Variants in PARVG observed in about 807,000 individuals in gnomAD.
PARVG encodes the protein gamma-parvin.
In PARVG, 36 loss-of-function variants were observed where a neutral mutation model predicts 44.4. That is an observed-to-expected ratio of 0.81 (90% confidence interval 0.62 to 1.07). The LOEUF (loss-of-function observed/expected upper bound fraction) is 1.07. PARVG is among the 50% of genes least tolerant of loss of function. The probability of loss-of-function intolerance (pLI) is 0.00; values close to 1 mark genes in which losing one functional copy is unlikely to be tolerated. For synonymous variants in PARVG, 170 were observed against 174.1 expected (o/e 0.98, Z 0.19); for missense variants, 407 against 407.4 (o/e 1.00, Z 0.01).
rs1330721521 is a variant in PARVG at position 44,181,079 on chromosome 22, C to G, written c.-295C>G. 2.7e-6 allele frequency: 2 copies of G among 743,168 alleles called. No homozygotes were observed. The highest frequency in any genetic ancestry group is 3.3e-6 in the Non-Finnish European group (2 of 608,538). The allele number at this position is 743,168 out of a possible 1,614,324, so 46.0% of individuals were successfully genotyped here. ...CCACTGCAAACTCCTATGCAGCCGT[C>G]AAGGCCCCATTCTCCTCTGGAAAGC... On this transcript the variant is annotated 5_prime_UTR_variant, in exon 1 of 14. It introduces an in-frame stop codon into an upstream open reading frame of the 5' UTR. Coordinates refer to ENST00000444313, the MANE Select transcript of PARVG (RefSeq NM_022141.7).
chr22:44,198,422 T>G (rs938881580), intron 11 of PARVG, among the ~76,000 whole-genome samples, 199 bp from the exon 12 acceptor site: 5 of 152,244 alleles, frequency 3.3e-5, no homozygotes. Context: ...TCACTGAGCA[T>G]GTACTATATA....
chr22:44,197,312 A>G (rs1019076021), intron 11 of PARVG, among the ~76,000 whole-genome samples: 1 of 152,186 alleles, frequency 6.6e-6, no homozygotes, highest in Admixed American at 6.5e-5. Flanking sequence ...CCAGGGCAAA[A>G]TGCTTTCCAT....
intron 8 of PARVG, 35 bp from the exon 9 acceptor site, chr22:44,193,766 T>TA (rs2054581445): frequency 6.2e-7 from 1 of 1,608,422 alleles, no homozygotes; most frequent in Middle Eastern, 1.7e-4. Flanking sequence ...GTTTTTTTTT[T>TA]AACCATTTGT....
Position 44,206,311 on chromosome 22 carries a change from C to T in PARVG, c.887-6C>T, listed in dbSNP as rs1569190713. ...ACTGGCTGCCCTGCCCTCCTTTGGCCCGCAGATATCGTGAACAAGGATGCC... is the reference window on the plus strand; with the variant it reads ...ACTGGCTGCCCTGCCCTCCTTTGGCTCGCAGATATCGTGAACAAGGATGCC... On this transcript the variant is annotated splice_polypyrimidine_tract_variant and splice_region_variant and intron_variant, in intron 13 of 13. Coordinates refer to ENST00000444313, the MANE Select transcript of PARVG (RefSeq NM_022141.7). The T allele has an allele frequency of 6.2e-7, 1 of 1,609,378 alleles. No homozygotes were observed. The highest frequency in any genetic ancestry group is 8.5e-7 in the Non-Finnish European group (1 of 1,176,126).
rs987148143 is a variant in PARVG, at chr22:44,185,982, G to T, written c.144+110G>T. 33 of 992,830 alleles carry T rather than the reference G, an allele frequency of 3.3e-5. No individual in the cohort carries two copies. In the East Asian group the frequency reaches 8.1e-4, roughly 24 times the overall value. 61.5% of individuals were successfully genotyped at this position (992,830 alleles called of 1,614,324 possible). Reference sequence around the variant, plus strand: ...TGTCCCCACTCCTTGGCCTCAGGCTGGGGGGTGGCGACCCCCGAAGACCCC... The same window carrying T: ...TGTCCCCACTCCTTGGCCTCAGGCTTGGGGGTGGCGACCCCCGAAGACCCC... On this transcript the variant is annotated intron_variant, in intron 4 of 13. Coordinates refer to ENST00000444313, the MANE Select transcript of PARVG (RefSeq NM_022141.7).
chr22:44,205,625 T>A, intron 12 of PARVG, 132 bp from the exon 13 acceptor site: 1 of 1,021,194 alleles, frequency 9.8e-7, no homozygotes, highest in Non-Finnish European at 1.5e-6. Flanking sequence ...TGGTCAGGGA[T>A]GCCCACCTTG....
rs2054723581 is a variant in PARVG, at chr22:44,202,493, A to G, written c.814-3264A>G. 2.0e-5 allele frequency among the ~76,000 whole-genome samples: 3 copies of G among 152,344 alleles called. 1 individual carries two copies. The Middle Eastern group carries it at 0.01, about 518-fold the overall frequency. On this transcript the variant is annotated intron_variant, in intron 12 of 13. Coordinates refer to ENST00000444313, the MANE Select transcript of PARVG (RefSeq NM_022141.7). ...GACGGGAACAAACGTGCAGACTTCC[A>G]TGTTGCTGTGTGCAGCCGCTTTGCT...
intron 1 of PARVG, 51 bp from the exon 2 acceptor site, chr22:44,181,691 T>G: frequency 1.0e-6 from 1 of 983,856 alleles, no homozygotes; most frequent in South Asian, 4.7e-5. Flanking sequence ...TTCTGGAGGT[T>G]TGTGGCAGCT....
In PARVG at chr22:44,203,278, C is replaced by T. The variant is rs538230185; in HGVS notation, c.814-2479C>T. 6.6e-5 allele frequency among the ~76,000 whole-genome samples: 10 copies of T among 152,196 alleles called. No homozygotes were observed. In the South Asian group the frequency reaches 1.0e-3, roughly 16 times the overall value. ...GTATTTTTTTAAATAAGTGAATGAA[C>T]GAAGTGTTTCCAAAACATTGGTCCC... On this transcript the variant is annotated intron_variant, in intron 12 of 13. Coordinates refer to ENST00000444313, the MANE Select transcript of PARVG (RefSeq NM_022141.7).
intron 12 of PARVG, among the ~76,000 whole-genome samples, chr22:44,198,937 TCCACCCAC>T (rs1257695303): frequency 0.02 from 609 of 30,440 alleles, 33 homozygotes; most frequent in Middle Eastern, 0.045. Context: ...CATCCATCCA[TCCACCCAC>T]CCATCCATCC....
Position 44,189,268 on chromosome 22 carries a change from A to G in PARVG, c.388+14A>G, listed in dbSNP as rs1480759735. 1 of 1,613,544 alleles carries G rather than the reference A, an allele frequency of 6.2e-7. No individual in the cohort carries two copies. The highest frequency in any genetic ancestry group is 8.5e-7 in the Non-Finnish European group (1 of 1,179,770). On this transcript the variant is annotated intron_variant, in intron 6 of 13. Coordinates refer to ENST00000444313, the MANE Select transcript of PARVG (RefSeq NM_022141.7). ...GGAGCGTGGAGAGTACGTGGGCCAC[A>G]ACCTGGCTACCCCTGGGGAGTGTGG...
chr22:44,204,597 C>G, intron 12 of PARVG, among the ~76,000 whole-genome samples: 1 of 152,246 alleles, frequency 6.6e-6, no homozygotes, highest in East Asian at 1.9e-4. Context: ...ATGAGTCTTG[C>G]CTGGCCTTGC....
chr22:44,188,986 A>AC (rs2147225656), intron 5 of PARVG, 128 bp from the exon 6 acceptor site: 3 of 1,296,952 alleles, frequency 2.3e-6, no homozygotes, highest in Non-Finnish European at 3.2e-6. Flanking sequence ...ACGGTCCAAC[A>AC]CCAAGAATGG....
At chr22:44,189,052 C>A in intron 5 of PARVG, 62 bp from the exon 6 acceptor site, 1 of 1,606,480 alleles carries the variant, frequency 6.2e-7, no homozygotes, top group South Asian at 1.1e-5. Context: ...CCTGGAGGGT[C>A]CCTGAGGTGC....
At chr22:44,190,140 C>G (rs1030828835) in intron 6 of PARVG, among the ~76,000 whole-genome samples, 3 of 152,168 alleles carry the variant, frequency 2.0e-5, no homozygotes, top group African/African-American at 7.2e-5. Context: ...GGGTCCCATG[C>G]GCCTGCATTC....
chr22:44,173,338 C>A, intron 1 of PARVG: 1 of 655,274 alleles, frequency 1.5e-6, no homozygotes, highest in Non-Finnish European at 2.2e-6. Context: ...GCATGCTGAC[C>A]AGTAAGTGAC....
upstream of PARVG, among the ~76,000 whole-genome samples, chr22:44,180,608 T>C (rs2054361746): frequency 6.6e-6 from 1 of 152,198 alleles, no homozygotes; most frequent in Non-Finnish European, 1.5e-5. Flanking sequence ...TGTGCCTCAG[T>C]GTCTTCCTCT....
intron 13 of PARVG, 23 bp from the exon 14 acceptor site, chr22:44,206,293 GC>G: frequency 6.3e-7 from 1 of 1,577,944 alleles, no homozygotes; most frequent in East Asian, 2.2e-5. Flanking sequence ...CTGACTGGCT[GC>G]CCTGCCCTCC....
In PARVG at chr22:44,207,560, C is replaced by G. The variant is rs2054798165; in HGVS notation, c.*1134C>G. 1 of 152,006 alleles carries G rather than the reference C, an allele frequency of 6.6e-6. No homozygotes were observed. Among genetic ancestry groups the G allele is most frequent in the Admixed American group, 6.6e-5 (1 of 15,232 alleles). The allele number at this position is 152,006 out of a possible 1,614,324, so 9.4% of individuals were successfully genotyped here. On this transcript the variant is annotated 3_prime_UTR_variant, in exon 14 of 14. Coordinates refer to ENST00000444313, the MANE Select transcript of PARVG (RefSeq NM_022141.7). ...CCAGGCTGCTGCTCCTCCCTGGACC[C>G]TGAAGAGGCCTCTGGGTCTGGGGTT...
Sources: allele counts gnomAD v4.1 joint callset (sites outside exome capture counted in the v4.1 genomes callset), GRCh38; gene constraint gnomAD v4.1.1; transcripts MANE v1.5; gene names NCBI Gene and HGNC (gene_info 2026-07-23, HGNC 2026-07-21).